The following FER variants were observed in gnomAD, a reference collection of about 807,000 sequenced individuals.
FER encodes the protein tyrosine-protein kinase Fer.
Under a neutral mutation model 111.0 loss-of-function variants are expected in FER, and 63 were observed. The ratio of observed to expected loss-of-function variants is 0.57; its 90% CI spans 0.46 to 0.70. The LOEUF is 0.70. Among genes scored for constraint, FER ranks in the 30% least tolerant of loss-of-function variants. The probability of loss-of-function intolerance (pLI) is 0.00; values close to 1 mark genes in which losing one functional copy is unlikely to be tolerated. For synonymous variants in FER, 327 were observed against 313.9 expected (o/e 1.04, Z -0.44); for missense variants, 914 against 954.0 (o/e 0.96, Z 0.55).
At chr5:109,102,306 C>T (rs17450289) in intron 17 of FER, among the ~76,000 whole-genome samples, 2,996 of 152,170 alleles carry the variant, frequency 0.02, 38 homozygotes, top group Middle Eastern at 0.031. Context: ...TAGACCTATG[C>T]CATTTGCCTA....
intron 2 of FER, chr5:108,784,997 G>C (rs950608871): frequency 3.7e-6 from 1 of 269,994 alleles, no homozygotes; most frequent in East Asian, 8.1e-5. Flanking sequence ...TTGGGGGCCT[G>C]TTCCCAACAC....
intron 18 of FER, among the ~76,000 whole-genome samples, chr5:109,183,150 G>C (rs892509240): frequency 6.6e-6 from 1 of 151,890 alleles, no homozygotes; most frequent in African/African-American, 2.4e-5. Flanking sequence ...TCCAATGAGA[G>C]AGTTCCTGAA....
intron 5 of FER, 44 bp downstream of exon 5, chr5:108,835,851 T>G (rs775540446): frequency 3.0e-5 from 33 of 1,101,770 alleles, no homozygotes; most frequent in Non-Finnish European, 3.8e-5. Flanking sequence ...TGATTTTTAT[T>G]CTTACTGTTT....
rs1457990359 is a variant in FER at position 109,195,842 on chromosome 5, A to AT, written c.*8270dup. The AT allele has an allele frequency of 2.0e-5, 3 of 152,198 alleles. No homozygotes were observed. Among genetic ancestry groups the AT allele is most frequent in the African/African-American group, 7.2e-5 (3 of 41,446 alleles). 9.4% of individuals were successfully genotyped at this position (152,198 alleles called of 1,614,324 possible). A position where few individuals can be genotyped will look rare whatever the true frequency, so the allele number is the denominator to read the frequency against. Reference sequence around the variant, plus strand: ...GTCTATAGATTTTACATAAATTTACATTTAAATGCATTAAGTTAGATGGCC... The same window carrying AT: ...GTCTATAGATTTTACATAAATTTACATTTTAAATGCATTAAGTTAGATGGCC... On this transcript the variant is annotated 3_prime_UTR_variant, in exon 20 of 20. Coordinates refer to ENST00000281092, the MANE Select transcript of FER (RefSeq NM_005246.4).
intron 17 of FER, among the ~76,000 whole-genome samples, chr5:109,142,344 C>G (rs377242991): frequency 4.5e-4 from 68 of 152,224 alleles, no homozygotes; most frequent in African/African-American, 1.6e-3. Context: ...ATTCCCTTCT[C>G]TAATGTTTTT....
At chr5:109,072,665 A>G (rs1028603272) in intron 16 of FER, among the ~76,000 whole-genome samples, 11 of 152,016 alleles carry the variant, frequency 7.2e-5, no homozygotes, top group Non-Finnish European at 1.0e-4. Context: ...TATAAGGTCT[A>G]TAATGAAATC....
intron 13 of FER, among the ~76,000 whole-genome samples, chr5:109,030,467 G>A (rs1045893956): frequency 1.3e-5 from 2 of 152,148 alleles, no homozygotes; most frequent in Non-Finnish European, 2.9e-5. Flanking sequence ...CCTTGTTTAG[G>A]TTTAGCAGGT....
chr5:108,894,868 C>T (rs1402657028), intron 9 of FER, among the ~76,000 whole-genome samples: 1 of 152,028 alleles, frequency 6.6e-6, no homozygotes, highest in Non-Finnish European at 1.5e-5. Context: ...ACAGAAAAGA[C>T]CCCCCATCAT....
rs1456371704 is a variant in FER at position 108,914,729 on chromosome 5, G to A, written c.1236+16881G>A. ...TTATTCTGATAGGCAGGCTAGTGAG[G>A]GGCATAGTGCTGGAAGGGAAGGTGA... On this transcript the variant is annotated intron_variant, in intron 10 of 19. Coordinates refer to ENST00000281092, the MANE Select transcript of FER (RefSeq NM_005246.4). Among the ~76,000 whole-genome samples, 3 of 152,176 alleles carry A rather than the reference G, an allele frequency of 2.0e-5. No individual in the cohort carries two copies. The East Asian group carries it at 5.8e-4, about 29-fold the overall frequency.
chr5:108,843,242 A>G (rs998392304), intron 5 of FER, among the ~76,000 whole-genome samples: 1 of 152,218 alleles, frequency 6.6e-6, no homozygotes, highest in Non-Finnish European at 1.5e-5. Context: ...AATGCTGTTA[A>G]TTCATTCCTT....
At chr5:108,952,491 TATACACAC>T (rs1191793080) in intron 11 of FER, among the ~76,000 whole-genome samples, 2 of 152,008 alleles carry the variant, frequency 1.3e-5, no homozygotes, top group Non-Finnish European at 2.9e-5. Context: ...TACATGTGTA[TATACACAC>T]ATACACTGAC....
At chr5:108,992,329 C>A (rs1472543432) in intron 13 of FER, among the ~76,000 whole-genome samples, 2 of 152,194 alleles carry the variant, frequency 1.3e-5, no homozygotes, top group African/African-American at 4.8e-5. Context: ...CCCACCTTTA[C>A]CCCCTTTCTA....
intron 18 of FER, among the ~76,000 whole-genome samples, chr5:109,181,821 A>G (rs998544420): frequency 2.0e-5 from 3 of 152,224 alleles, no homozygotes; most frequent in Admixed American, 6.5e-5. Context: ...ACAGTTCACA[A>G]TGTTGTATAA....
In FER at chr5:109,151,310, A is replaced by T. The variant is rs1385457537; in HGVS notation, c.2049-29437A>T. On this transcript the variant is annotated intron_variant, in intron 17 of 19. Transcript: ENST00000281092. ...GCAAGACTACTAAATTCAAATGAAA[A>T]ATTAGATTTTCTGCTTTATATGCAG... 2.6e-5 allele frequency among the ~76,000 whole-genome samples: 4 copies of T among 152,242 alleles called. No homozygotes were observed. The Middle Eastern group carries it at 0.01, about 388-fold the overall frequency.
chr5:108,998,392 AG>A lies in FER; in HGVS notation c.1657-39026del, dbSNP rs1764287030. Among the ~76,000 whole-genome samples, 4 of 152,166 alleles carry A rather than the reference AG, an allele frequency of 2.6e-5. No homozygotes were observed. In the South Asian group the frequency reaches 8.3e-4, roughly 32 times the overall value. On this transcript the variant is annotated intron_variant, in intron 13 of 19. Transcript: ENST00000281092. ...CAGTCCCTCATGACTTCCCTTGGCC[AG>A]GGGAGGGAAATTCGCTAACACCCCT...
chr5:109,186,929 TCTC>T (rs1328519839), intron 19 of FER, among the ~76,000 whole-genome samples: 1 of 152,202 alleles, frequency 6.6e-6, no homozygotes, highest in East Asian at 1.9e-4. Context: ...CTTTCTACCT[TCTC>T]CTACCTTTAC....
intron 13 of FER, among the ~76,000 whole-genome samples, chr5:109,013,766 T>C (rs1450134800): frequency 4.7e-5 from 7 of 150,286 alleles, no homozygotes; most frequent in Admixed American, 6.6e-5. Context: ...TTTTTAATGA[T>C]TGCCATTCTA....
rs115162355 is a variant in FER, at chr5:108,791,544, T to C, written c.-59-6580T>C. Among the ~76,000 whole-genome samples the C allele has an allele frequency of 9.2e-3, 1,335 of 145,664 alleles. 14 individuals carry two copies. Among genetic ancestry groups the C allele is most frequent in the African/African-American group, 0.032 (1,250 of 39,374 alleles). On this transcript the variant is annotated intron_variant, in intron 2 of 19. Transcript: ENST00000281092. ...CCAGAAGTTCCTTATCATATATATA[T>C]ACACACACATATGTGTATATACATA...
chr5:109,158,208 G>A (rs1327079898), intron 17 of FER, among the ~76,000 whole-genome samples: 1 of 151,744 alleles, frequency 6.6e-6, no homozygotes, highest in East Asian at 1.9e-4. Context: ...ATGAAACCCC[G>A]TCTCTACAAA....
Sources: gnomAD v4.1 joint callset for allele counts (sites outside exome capture counted in the v4.1 genomes callset) on GRCh38, gnomAD v4.1.1 for gene constraint, MANE v1.5 for transcripts, NCBI Gene and HGNC (gene_info 2026-07-23, HGNC 2026-07-21) for gene names.